RELN: variants seen among roughly 807,000 people sequenced by gnomAD.
RELN encodes the protein reelin.
Under a neutral mutation model 427.6 loss-of-function variants are expected in RELN, and 108 were observed. That is an observed-to-expected ratio of 0.25 (90% confidence interval 0.22 to 0.30). RELN has a LOEUF of 0.30. Ranked by LOEUF, RELN falls within the 10% of genes least tolerant of loss-of-function variation. The pLI is 1.00. For synonymous variants in RELN, 1,524 were observed against 1,513.4 expected (o/e 1.01, Z -0.16); for missense variants, 3,715 against 4,302.8 (o/e 0.86, Z 3.82).
At chr7:103,496,472 T>A (rs1828844430) in intron 56 of RELN, 54 bp downstream of exon 56, 1 of 1,612,226 alleles carries the variant, frequency 6.2e-7, no homozygotes, top group Non-Finnish European at 8.5e-7. Context: ...TCTGAAGACA[T>A]AAGCAGAAAA....
At chr7:103,773,662 G>A (rs192051311) in intron 4 of RELN, among the ~76,000 whole-genome samples, 139 of 152,052 alleles carry the variant, frequency 9.1e-4, no homozygotes, top group Non-Finnish European at 1.5e-3. Context: ...TAGAGACAGG[G>A]TTTCACCATG....
chr7:103,925,509 AT>A (rs1476773331), intron 1 of RELN, among the ~76,000 whole-genome samples: 2 of 152,132 alleles, frequency 1.3e-5, no homozygotes, highest in Non-Finnish European at 2.9e-5. Flanking sequence ...TTACTTTTAT[AT>A]GAGGCTGGAT....
intron 2 of RELN, among the ~76,000 whole-genome samples, chr7:103,882,456 A>G (rs968724995): frequency 6.6e-6 from 1 of 152,046 alleles, no homozygotes; most frequent in Non-Finnish European, 1.5e-5. Flanking sequence ...TTGGGTCCGT[A>G]AATTTTTTTT....
At position 103,723,169 on chromosome 7, in the gene RELN, G is replaced by T; in HGVS notation, c.776C>A (p.Thr259Lys). 1 of 1,593,640 alleles carries T rather than the reference G, an allele frequency of 6.3e-7. No homozygotes were observed. The highest frequency in any genetic ancestry group is 1.1e-5 in the South Asian group (1 of 90,620). ...GGAAAATTGGAGGACAGAAGCTGTT[G>T]TTGTATTAAGGCCTGTGGTAATCTA... ...RELITTGLNTTTASVLQFSIG... is the reference protein window; with the variant it reads ...RELITTGLNTKTASVLQFSIG... The change falls in exon 8 of 65, where the codon ACA (threonine) becomes AAA (lysine). Residue 259 changes from threonine to lysine, a missense_variant. By Grantham distance (78) the Thr-to-Lys change is moderately conservative. Around this residue, in one of 4 missense-constraint regions of RELN, gnomAD observed 2,208 missense variants for 2,361.7 expected, o/e 0.93. Transcript: ENST00000428762.
intron 1 of RELN, among the ~76,000 whole-genome samples, chr7:103,928,864 G>A (rs1795800964): frequency 6.6e-6 from 1 of 152,108 alleles, no homozygotes; most frequent in Admixed American, 6.5e-5. Context: ...GATGTTCTTG[G>A]CAAACAAGGT....
chr7:103,634,618 C>G (rs936570509), intron 19 of RELN, among the ~76,000 whole-genome samples: 5 of 152,008 alleles, frequency 3.3e-5, no homozygotes, highest in Middle Eastern at 3.2e-3. Flanking sequence ...TAAATAAACC[C>G]TAACACCCCA....
intron 3 of RELN, among the ~76,000 whole-genome samples, chr7:103,796,827 C>T (rs993588013): frequency 3.6e-5 from 5 of 139,356 alleles, no homozygotes; most frequent in African/African-American, 5.3e-5. Context: ...CCCCGCTGCA[C>T]TGCAGCCCAG....
intron 50 of RELN, among the ~76,000 whole-genome samples, chr7:103,511,688 A>G (rs1829421760): frequency 1.4e-5 from 2 of 146,186 alleles, no homozygotes; most frequent in African/African-American, 2.6e-5. Context: ...ACATAGTGAG[A>G]TCCTGACTGT....
chr7:103,518,412 AG>A (rs1339985518), intron 49 of RELN, among the ~76,000 whole-genome samples: 2 of 148,584 alleles, frequency 1.3e-5, no homozygotes, highest in Admixed American at 6.8e-5. Flanking sequence ...AGCTTACTGC[AG>A]CCTCAAACTC....
chr7:103,984,806 C>T (rs759027084), intron 1 of RELN, among the ~76,000 whole-genome samples: 1 of 152,056 alleles, frequency 6.6e-6, no homozygotes. Flanking sequence ...GATAAATAAC[C>T]GATCACCTGA....
chr7:103,952,910 G>A (rs1337064824), intron 1 of RELN, among the ~76,000 whole-genome samples: 4 of 152,176 alleles, frequency 2.6e-5, no homozygotes, highest in South Asian at 2.1e-4. Context: ...CCGGGAAAAC[G>A]GTATTTTAAC....
intron 41 of RELN, among the ~76,000 whole-genome samples, chr7:103,550,250 T>C (rs775812253): frequency 3.3e-5 from 5 of 152,216 alleles, no homozygotes; most frequent in Non-Finnish European, 7.3e-5. Flanking sequence ...TACTAGGTAT[T>C]AGTAGTCTTG....
intron 1 of RELN, among the ~76,000 whole-genome samples, chr7:103,975,882 G>A (rs1320000692): frequency 6.6e-6 from 1 of 152,038 alleles, no homozygotes; most frequent in Admixed American, 6.6e-5. Context: ...GTCAGGGAAG[G>A]CCTCATGGAG....
intron 38 of RELN, among the ~76,000 whole-genome samples, chr7:103,556,618 T>A (rs889560552): frequency 6.6e-6 from 1 of 152,160 alleles, no homozygotes; most frequent in African/African-American, 2.4e-5. Flanking sequence ...CTTGTGGCAG[T>A]GAATAAGTCT....
chr7:103,751,345 T>C (rs1224428921), intron 5 of RELN, among the ~76,000 whole-genome samples: 1 of 152,202 alleles, frequency 6.6e-6, no homozygotes, highest in Admixed American at 6.5e-5. Context: ...TCAGGAAGCA[T>C]AATTTCACAT....
At chr7:103,973,198 C>T (rs554037839) in intron 1 of RELN, among the ~76,000 whole-genome samples, 10 of 152,236 alleles carry the variant, frequency 6.6e-5, no homozygotes, top group African/African-American at 4.8e-5. Context: ...TTTTCAAGAG[C>T]GTTTCTAACA....
At chr7:103,637,983 T>C (rs1244574358) in intron 17 of RELN, among the ~76,000 whole-genome samples, 1 of 152,186 alleles carries the variant, frequency 6.6e-6, no homozygotes, top group Non-Finnish European at 1.5e-5. Context: ...CACTTTCCAT[T>C]TAGTCGTTTT....
chr7:103,578,855 C>A (rs187945310), intron 28 of RELN, among the ~76,000 whole-genome samples: 1 of 152,286 alleles, frequency 6.6e-6, no homozygotes, highest in East Asian at 1.9e-4. Flanking sequence ...CATGTTCTAA[C>A]CTTGCCTTTT....
chr7:103,836,336 TA>T (rs1340029911), intron 2 of RELN, among the ~76,000 whole-genome samples: 1 of 152,208 alleles, frequency 6.6e-6, no homozygotes, highest in African/African-American at 2.4e-5. Context: ...TTAAATTAAT[TA>T]AAATTTGATA....
Sources: allele counts gnomAD v4.1 joint callset (sites outside exome capture counted in the v4.1 genomes callset), GRCh38; gene constraint gnomAD v4.1.1; regional missense constraint gnomAD v4.1.1; transcripts MANE v1.5; gene names NCBI Gene and HGNC (gene_info 2026-07-23, HGNC 2026-07-21).